FAM120A: variants seen among roughly 807,000 people sequenced by gnomAD.
FAM120A encodes the protein family with sequence similarity 120 member A.
A neutral mutation model predicts 109.7 loss-of-function variants in FAM120A; 15 were observed. The observed-to-expected ratio is 0.14, with a 90% CI of 0.09 to 0.21. The LOEUF (loss-of-function observed/expected upper bound fraction) is 0.21, where lower values mean the gene tolerates loss of function less well. FAM120A is among the 10% of genes least tolerant of loss of function. The pLI is 1.00. For missense variants in FAM120A, 899 were observed against 1,439.3 expected, an observed-to-expected ratio of 0.62 and a Z score of 6.07; for synonymous variants, 493 against 572.8, an observed-to-expected ratio of 0.86 and a Z score of 1.99.
At chr9:93,555,946 C>T (rs1587635015) in intron 12 of FAM120A, among the ~76,000 whole-genome samples, 2 of 152,198 alleles carry the variant, frequency 1.3e-5, no homozygotes, top group Admixed American at 6.5e-5. Context: ...AATGCAGAAT[C>T]TTAATAGAGT....
chr9:93,467,351 A>T (rs1858093576), intron 1 of FAM120A, among the ~76,000 whole-genome samples: 1 of 144,536 alleles, frequency 6.9e-6, no homozygotes, highest in Non-Finnish European at 1.5e-5. Context: ...TTTTAATGCC[A>T]GGTTGCATTT....
chr9:93,467,147 A>G (rs538316407), intron 1 of FAM120A, among the ~76,000 whole-genome samples: 6 of 151,862 alleles, frequency 4.0e-5, no homozygotes, highest in Non-Finnish European at 5.9e-5. Context: ...ATGAGTTTCG[A>G]CAAATGCTGA....
chr9:93,453,458 T>C, intron 1 of FAM120A: 2 of 985,482 alleles, frequency 2.0e-6, no homozygotes, highest in Non-Finnish European at 2.4e-6. Context: ...GTCTTAGCTC[T>C]TGACACTCGG....
In FAM120A at chr9:93,452,675, G is replaced by C; in HGVS notation, c.474+286G>C. ...CCCGGACCAGAATTCGGAGGCGACAGTGTCATCATCCCCAATATCCTTAGT... is the reference window on the plus strand; with the variant it reads ...CCCGGACCAGAATTCGGAGGCGACACTGTCATCATCCCCAATATCCTTAGT... On this transcript the variant is annotated intron_variant, in intron 1 of 17. Transcript: ENST00000277165. This position sits in a 1 kb window ranked among gnomAD's most constrained non-coding sequence, Gnocchi z 7.0. 1.3e-6 allele frequency: 2 copies of C among 1,598,866 alleles called. No homozygotes were observed. Among genetic ancestry groups the C allele is most frequent in the East Asian group, 2.2e-5 (1 of 44,876 alleles).
chr9:93,558,539 C>T (rs765726396), intron 14 of FAM120A, 42 bp from the exon 15 acceptor site: 3 of 1,610,212 alleles, frequency 1.9e-6, no homozygotes. Context: ...TGAGTCCTGT[C>T]CCTTACACTT....
At chr9:93,474,119 T>C (rs1301818668) in intron 2 of FAM120A, among the ~76,000 whole-genome samples, 1 of 152,236 alleles carries the variant, frequency 6.6e-6, no homozygotes, top group Non-Finnish European at 1.5e-5. Context: ...CAATTTAATT[T>C]AGGGCTTGCA....
Position 93,564,786 on chromosome 9 carries a change from C to CTTA in FAM120A, c.*246_*247insTTA, listed in dbSNP as rs1211908677. On this transcript the variant is annotated 3_prime_UTR_variant, in exon 18 of 18. Coordinates refer to ENST00000277165, the MANE Select transcript of FAM120A (RefSeq NM_014612.5). Reference sequence around the variant, plus strand: ...GAAAATGAAGAGCATTTGACTCCCGCACTTAAAATGAAGTACACATAAAGT... The same window carrying CTTA: ...GAAAATGAAGAGCATTTGACTCCCGCTTAACTTAAAATGAAGTACACATAAAGT... The CTTA allele has an allele frequency of 2.5e-6, 1 of 407,594 alleles. No individual in the cohort carries two copies. The highest frequency in any genetic ancestry group is 2.0e-5 in the African/African-American group (1 of 49,148). The allele number at this position is 407,594 out of a possible 1,614,324, so 25.2% of individuals were successfully genotyped here. A position where few individuals can be genotyped will look rare whatever the true frequency, so the allele number is the denominator to read the frequency against.
intron 8 of FAM120A, 136 bp downstream of exon 8, chr9:93,527,378 G>A (rs865939632): frequency 1.2e-5 from 8 of 662,566 alleles, no homozygotes; most frequent in African/African-American, 7.3e-5. Flanking sequence ...GGGGATAAGC[G>A]GGAAAGGAAG....
chr9:93,452,049 G>A lies in FAM120A; in HGVS notation c.134G>A (p.Arg45His). The A allele has an allele frequency of 6.3e-7, 1 of 1,582,196 alleles. No individual in the cohort carries two copies. Residue 45 changes from arginine (R) to histidine (H), a missense_variant, in exon 1 of 18, where the codon CGC (arginine) becomes CAC (histidine). Around this residue, in one of 11 missense-constraint regions of FAM120A, gnomAD observed 258 missense variants for 451.4 expected, o/e 0.57. Coordinates refer to ENST00000277165, the MANE Select transcript of FAM120A (RefSeq NM_014612.5). This position sits in a 1 kb window ranked among gnomAD's most constrained non-coding sequence, Gnocchi z 7.0. ...CAGCGGCCCCCGCAGACCCCGCTGC[G>A]CCTGCTGGTGGACGCCGACAACTGC... Reference protein sequence around the residue: ...GRQRPPQTPLRLLVDADNCLH... With the variant: ...GRQRPPQTPLHLLVDADNCLH...
intron 8 of FAM120A, among the ~76,000 whole-genome samples, chr9:93,528,652 T>C (rs1861192125): frequency 6.6e-6 from 1 of 152,240 alleles, no homozygotes; most frequent in Non-Finnish European, 1.5e-5. Context: ...CAGTGTATCA[T>C]GGACCTCTTT....
chr9:93,531,200 A>G (rs1449062867), intron 9 of FAM120A: 2 of 152,246 alleles, frequency 1.3e-5, no homozygotes, highest in African/African-American at 2.4e-5. Flanking sequence ...GAGTGTTAGA[A>G]CACATGTAGC....
chr9:93,496,925 T>C (rs1859601972), intron 3 of FAM120A, among the ~76,000 whole-genome samples: 1 of 152,234 alleles, frequency 6.6e-6, no homozygotes, highest in African/African-American at 2.4e-5. Flanking sequence ...CAACAGGCAG[T>C]GATACCATTT....
chr9:93,515,979 TCAGGCCCCA>T lies in FAM120A; in HGVS notation c.1133_1141del (p.Ala378_Gln380del). The stretch of plus-strand genomic sequence containing the variant: ...GTGTGCGTGACCTGTGCCCTTCGCT[TCAGGCCCCA>T]CAGGTGCCCAGCCCAGGGGGCGCCC... On this transcript the variant is annotated splice_acceptor_variant and splice_polypyrimidine_tract_variant and coding_sequence_variant and intron_variant, in exon 7 of 18. Coordinates refer to ENST00000277165, the MANE Select transcript of FAM120A (RefSeq NM_014612.5). LOFTEE classifies it high-confidence loss of function. 1.4e-6 allele frequency: 2 copies of T among 1,452,248 alleles called. No individual in the cohort carries two copies. Among genetic ancestry groups the T allele is most frequent in the African/African-American group, 3.0e-5 (2 of 65,574 alleles). 90.0% of individuals were successfully genotyped at this position (1,452,248 alleles called of 1,614,324 possible).
chr9:93,463,353 C>G (rs1227220623), intron 1 of FAM120A, among the ~76,000 whole-genome samples: 1 of 152,060 alleles, frequency 6.6e-6, no homozygotes, highest in East Asian at 1.9e-4. Flanking sequence ...TCACTGTACC[C>G]AATTCTCATT....
intron 3 of FAM120A, among the ~76,000 whole-genome samples, chr9:93,491,153 C>T (rs1859294064): frequency 6.6e-6 from 1 of 152,240 alleles, no homozygotes; most frequent in South Asian, 2.1e-4. Flanking sequence ...CAGCACCACC[C>T]ATTTGGGGAA....
At chr9:93,553,980 C>G (rs1311560840) in intron 12 of FAM120A, among the ~76,000 whole-genome samples, 1 of 152,046 alleles carries the variant, frequency 6.6e-6, no homozygotes, top group African/African-American at 2.4e-5. Context: ...AGATTTTATT[C>G]AGATTGTTTA....
intron 3 of FAM120A, among the ~76,000 whole-genome samples, chr9:93,481,867 G>A (rs151274653): frequency 8.5e-5 from 13 of 152,224 alleles, no homozygotes; most frequent in African/African-American, 2.9e-4. Context: ...CCATCAGCTG[G>A]TTATCCTAGG....
intron 3 of FAM120A, among the ~76,000 whole-genome samples, chr9:93,490,390 AGTGGATTTT>A (rs1403814918): frequency 2.0e-5 from 3 of 152,218 alleles, no homozygotes; most frequent in African/African-American, 7.2e-5. Context: ...AATATGACCA[AGTGGATTTT>A]AGAGATTAGG....
chr9:93,489,344 C>T (rs2131321701), intron 3 of FAM120A, among the ~76,000 whole-genome samples: 1 of 152,084 alleles, frequency 6.6e-6, no homozygotes, highest in South Asian at 2.1e-4. Flanking sequence ...GGGTACACAG[C>T]CCTCAAAACG....
Sources: allele counts gnomAD v4.1 joint callset (sites outside exome capture counted in the v4.1 genomes callset), GRCh38; gene constraint gnomAD v4.1.1; regional missense constraint gnomAD v4.1.1; non-coding constraint Gnocchi (gnomAD v3.1); transcripts MANE v1.5; gene names NCBI Gene and HGNC (gene_info 2026-07-23, HGNC 2026-07-21).